ZNF704: variants seen among roughly 807,000 people sequenced by gnomAD.
The protein encoded by ZNF704 is glucocorticoid induced gene 1.
A neutral mutation model predicts 44.7 loss-of-function variants in ZNF704; 10 were observed. The ratio of observed to expected loss-of-function variants is 0.22; its 90% CI spans 0.14 to 0.38. The LOEUF (loss-of-function observed/expected upper bound fraction) is 0.38, where lower values mean the gene tolerates loss of function less well. Ranked by LOEUF, ZNF704 falls within the 10% of genes least tolerant of loss-of-function variation. The pLI, the probability that ZNF704 is intolerant of heterozygous loss-of-function variation, is 1.00. For missense variants in ZNF704, 390 were observed against 545.5 expected (o/e 0.71, Z 2.84); for synonymous variants, 211 against 207.6 (o/e 1.02, Z -0.14).
Position 80,629,055 on chromosome 8 carries a change from T to C in ZNF704, c.*12311A>G, listed in dbSNP as rs865795890. 1 of 147,574 alleles carries C rather than the reference T, an allele frequency of 6.8e-6. No individual in the cohort carries two copies. The highest frequency in any genetic ancestry group is 6.6e-5 in the Admixed American group (1 of 15,160). 9.1% of individuals were successfully genotyped at this position (147,574 alleles called of 1,614,324 possible). On this transcript the variant is annotated 3_prime_UTR_variant, in exon 9 of 9. Coordinates refer to ENST00000327835, the MANE Select transcript of ZNF704 (RefSeq NM_001033723.3). ...TAAATATTTAGGAAACATTTTTTTT[T>C]TTAAAAAACGAACACACAAAGTCCA...
intron 1 of ZNF704, among the ~76,000 whole-genome samples, chr8:80,846,822 C>A (rs1586071754): frequency 2.0e-5 from 3 of 152,102 alleles, no homozygotes; most frequent in Non-Finnish European, 4.4e-5. Flanking sequence ...GATCAACATA[C>A]AAAAAACAGT....
At chr8:80,797,429 A>C (rs1807824600) in intron 2 of ZNF704, among the ~76,000 whole-genome samples, 1 of 152,142 alleles carries the variant, frequency 6.6e-6, no homozygotes, top group African/African-American at 2.4e-5. Context: ...ACATTCTTTG[A>C]AATCTAGGTG....
At chr8:80,787,798 C>A (rs1463287949) in intron 2 of ZNF704, among the ~76,000 whole-genome samples, 1 of 152,048 alleles carries the variant, frequency 6.6e-6, no homozygotes, top group African/African-American at 2.4e-5. Context: ...TAAAATGCCC[C>A]AAAAGCACCA....
At chr8:80,711,973 T>C (rs1818994124) in intron 2 of ZNF704, among the ~76,000 whole-genome samples, 1 of 152,202 alleles carries the variant, frequency 6.6e-6, no homozygotes, top group Non-Finnish European at 1.5e-5. Flanking sequence ...CTTTAGTCTT[T>C]AAAAATGCCC....
intron 2 of ZNF704, among the ~76,000 whole-genome samples, chr8:80,788,995 A>C (rs1463502867): frequency 6.6e-6 from 1 of 152,212 alleles, no homozygotes; most frequent in African/African-American, 2.4e-5. Context: ...TGTGCTCCTA[A>C]AAGTAATATA....
intron 2 of ZNF704, among the ~76,000 whole-genome samples, chr8:80,729,267 C>T (rs1451655434): frequency 6.6e-6 from 1 of 152,098 alleles, no homozygotes; most frequent in African/African-American, 2.4e-5. Context: ...TGGGTGGGGG[C>T]TGTCAGGTTA....
intron 8 of ZNF704, 103 bp downstream of exon 8, chr8:80,642,932 G>T: frequency 1.4e-6 from 1 of 722,390 alleles, no homozygotes; most frequent in East Asian, 3.3e-5. Flanking sequence ...GTCAATTGTG[G>T]AGAAATTTTA....
Position 80,633,370 on chromosome 8 carries a change from TTGGC to T in ZNF704, c.*7992_*7995del, listed in dbSNP as rs1487521212. On this transcript the variant is annotated 3_prime_UTR_variant, in exon 9 of 9. Coordinates refer to ENST00000327835, the MANE Select transcript of ZNF704 (RefSeq NM_001033723.3). ...TAAACTCCTATAATTAACTACCAAA[TTGGC>T]TGAAATTTAGGGATTAGGGATCTGC... The T allele has an allele frequency of 1.3e-5, 2 of 152,182 alleles. No homozygotes were observed. Among genetic ancestry groups the T allele is most frequent in the Admixed American group, 6.5e-5 (1 of 15,284 alleles). The allele number at this position is 152,182 out of a possible 1,614,324, so 9.4% of individuals were successfully genotyped here. A position where few individuals can be genotyped will look rare whatever the true frequency, so the allele number is the denominator to read the frequency against.
chr8:80,726,804 C>T (rs1306798029), intron 2 of ZNF704, among the ~76,000 whole-genome samples: 2 of 151,390 alleles, frequency 1.3e-5, no homozygotes, highest in East Asian at 3.9e-4. Flanking sequence ...TTACATCTTC[C>T]AATTCATGTT....
chr8:80,693,317 C>A (rs1818671238), intron 2 of ZNF704, among the ~76,000 whole-genome samples: 1 of 152,158 alleles, frequency 6.6e-6, no homozygotes, highest in African/African-American at 2.4e-5. Flanking sequence ...GACAAGGATT[C>A]CATCATCCAT....
chr8:80,744,584 G>A (rs570412468), intron 2 of ZNF704, among the ~76,000 whole-genome samples: 20 of 152,256 alleles, frequency 1.3e-4, no homozygotes, highest in African/African-American at 4.8e-4. Context: ...TGCTAAGTTT[G>A]TCATAATCTA....
chr8:80,820,483 T>C (rs953906364), intron 2 of ZNF704, among the ~76,000 whole-genome samples: 5 of 152,204 alleles, frequency 3.3e-5, no homozygotes, highest in Non-Finnish European at 5.9e-5. Context: ...AGATCTATCA[T>C]ACAAAGATTA....
intron 2 of ZNF704, among the ~76,000 whole-genome samples, chr8:80,801,001 G>A (rs1807890079): frequency 6.6e-6 from 1 of 152,082 alleles, no homozygotes; most frequent in African/African-American, 2.4e-5. Flanking sequence ...AAAAAAGCAG[G>A]TGTTGCAATC....
At chr8:80,840,223 A>G (rs1808653719) in intron 1 of ZNF704, among the ~76,000 whole-genome samples, 1 of 152,238 alleles carries the variant, frequency 6.6e-6, no homozygotes, top group African/African-American at 2.4e-5. Context: ...TGTCCAACCC[A>G]TGGCCTGCGG....
chr8:80,830,299 TAGA>T (rs1808448488), intron 1 of ZNF704, among the ~76,000 whole-genome samples: 1 of 152,278 alleles, frequency 6.6e-6, no homozygotes, highest in East Asian at 1.9e-4. Flanking sequence ...GCAGCAGCAG[TAGA>T]AGGTGACAAG....
chr8:80,773,799 C>T (rs1807365033), intron 2 of ZNF704, among the ~76,000 whole-genome samples: 1 of 152,006 alleles, frequency 6.6e-6, no homozygotes, highest in Admixed American at 6.6e-5. Context: ...TTTGCTGAGC[C>T]TTTCTATTTT....
chr8:80,652,091 C>T (rs986225406), intron 7 of ZNF704, among the ~76,000 whole-genome samples: 1 of 152,208 alleles, frequency 6.6e-6, no homozygotes, highest in East Asian at 1.9e-4. Context: ...GAAATGAAGG[C>T]AGAAATAAAA....
At chr8:80,784,111 C>G (rs1350799874) in intron 2 of ZNF704, among the ~76,000 whole-genome samples, 1 of 152,132 alleles carries the variant, frequency 6.6e-6, no homozygotes, top group Admixed American at 6.6e-5. Flanking sequence ...TAGCTCCTGC[C>G]TTTTTAGCAC....
At chr8:80,680,673 C>G (rs973272581) in intron 4 of ZNF704, among the ~76,000 whole-genome samples, 9 of 152,172 alleles carry the variant, frequency 5.9e-5, no homozygotes, top group African/African-American at 1.9e-4. Context: ...TTCCTAGAAG[C>G]TGGTAGGGGT....
Sources: gnomAD v4.1 joint callset for allele counts (sites outside exome capture counted in the v4.1 genomes callset) on GRCh38, gnomAD v4.1.1 for gene constraint, MANE v1.5 for transcripts, NCBI Gene and HGNC (gene_info 2026-07-23, HGNC 2026-07-21) for gene names.